The following BMPER variants were observed in gnomAD, a reference collection of about 807,000 sequenced individuals.
BMPER encodes the protein BMP binding endothelial regulator.
A neutral mutation model predicts 87.3 loss-of-function variants in BMPER; 45 were observed. The observed-to-expected ratio is 0.52, with a 90% CI of 0.41 to 0.66. The LOEUF (loss-of-function observed/expected upper bound fraction) is 0.66. Ranked by LOEUF, BMPER falls within the 30% of genes least tolerant of loss-of-function variation. The pLI, the probability that BMPER is intolerant of heterozygous loss-of-function variation, is 0.00. For synonymous variants in BMPER, 326 were observed against 316.2 expected (o/e 1.03, Z -0.33); for missense variants, 784 against 867.5 (o/e 0.90, Z 1.21).
At chr7:34,079,319 A>T (rs1199952443) in intron 12 of BMPER, 133 bp downstream of exon 12, 2 of 1,155,694 alleles carry the variant, frequency 1.7e-6, no homozygotes, top group Non-Finnish European at 2.5e-6. Context: ...CCAGGTTCCA[A>T]CTGCGGGACT....
Position 33,966,521 on chromosome 7 carries a change from G to C in BMPER, c.362G>C (p.Trp121Ser). The C allele has an allele frequency of 6.2e-7, 1 of 1,613,784 alleles. No homozygotes were observed. The highest frequency in any genetic ancestry group is 8.5e-7 in the Non-Finnish European group (1 of 1,179,754). Residue 121 changes from tryptophan to serine, a missense_variant, in exon 4 of 15, where the codon TGG becomes TCG. Transcript: ENST00000649409. ...AATACCTATAACAGCTCCTTCAAATGGCAGAGCCCGGCTGAGCCTTGTGTT... is the reference window on the plus strand; with the variant it reads ...AATACCTATAACAGCTCCTTCAAATCGCAGAGCCCGGCTGAGCCTTGTGTT... ...EGNTYNSSFKWQSPAEPCVLR... is the reference protein window; with the variant it reads ...EGNTYNSSFKSQSPAEPCVLR...
chr7:34,095,731 A>G (rs1165468253), intron 13 of BMPER, among the ~76,000 whole-genome samples: 1 of 81,210 alleles, frequency 1.2e-5, no homozygotes, highest in Admixed American at 1.6e-4. Flanking sequence ...AATATACAGA[A>G]CTTCCAGGCA....
chr7:34,063,092 C>T (rs1054384477), intron 11 of BMPER, among the ~76,000 whole-genome samples: 6 of 152,160 alleles, frequency 3.9e-5, no homozygotes, highest in African/African-American at 1.4e-4. Flanking sequence ...TTTGAGATAG[C>T]TTCCTGGAGT....
intron 14 of BMPER, among the ~76,000 whole-genome samples, chr7:34,152,444 G>T (rs1457264922): frequency 5.9e-5 from 9 of 152,024 alleles, no homozygotes; most frequent in Non-Finnish European, 1.5e-5. Flanking sequence ...AAATCACTTT[G>T]CCTCTAAGTC....
At position 34,011,583 on chromosome 7, in the gene BMPER, C is replaced by CAA. The variant is rs36022297; in HGVS notation, c.577-34703_577-34702dup. ...CTTTGCTGCTTTCAGTTGGTCAGGGCAAAAAAAAAAAAAAAAAAAAAGAAA... is the reference window on the plus strand; with the variant it reads ...CTTTGCTGCTTTCAGTTGGTCAGGGCAAAAAAAAAAAAAAAAAAAAAAAGAAA... On this transcript the variant is annotated intron_variant, in intron 6 of 14. Coordinates refer to ENST00000649409, the MANE Select transcript of BMPER (RefSeq NM_001365308.1). Among the ~76,000 whole-genome samples, 149 of 45,708 alleles carry CAA rather than the reference C, an allele frequency of 3.3e-3. 3 individuals carry two copies. The highest frequency in any genetic ancestry group is 6.5e-3 in the South Asian group (6 of 926). The allele number at this position is 45,708 out of a possible 152,430, so 30.0% of individuals were successfully genotyped here.
chr7:34,025,011 T>A (rs145852511), intron 6 of BMPER, among the ~76,000 whole-genome samples: 4 of 152,210 alleles, frequency 2.6e-5, no homozygotes, highest in Non-Finnish European at 5.9e-5. Flanking sequence ...TTGTCAAGGA[T>A]ATAAAGCTGT....
At chr7:33,927,560 T>G (rs565900282) in intron 2 of BMPER, among the ~76,000 whole-genome samples, 1 of 152,332 alleles carries the variant, frequency 6.6e-6, no homozygotes, top group African/African-American at 2.4e-5. Context: ...TCTTCCTATA[T>G]TGCAGTAAGT....
chr7:34,046,177 T>G, intron 6 of BMPER, 129 bp from the exon 7 acceptor site: 1 of 857,420 alleles, frequency 1.2e-6, no homozygotes, highest in South Asian at 1.4e-5. Flanking sequence ...GAAAATCACA[T>G]GGGCCTGAGC....
At chr7:34,116,505 A>AT (rs1790122301) in intron 13 of BMPER, among the ~76,000 whole-genome samples, 1 of 152,330 alleles carries the variant, frequency 6.6e-6, no homozygotes, top group South Asian at 2.1e-4. Flanking sequence ...TGAATGACTC[A>AT]TTTTTCAGAA....
intron 12 of BMPER, among the ~76,000 whole-genome samples, chr7:34,081,032 T>G (rs1005110658): frequency 6.6e-6 from 1 of 152,188 alleles, no homozygotes; most frequent in Non-Finnish European, 1.5e-5. Context: ...AAGATGCAAG[T>G]AATTTTCATG....
At chr7:33,921,840 G>A (rs774304268) in intron 2 of BMPER, 39 of 470,826 alleles carry the variant, frequency 8.3e-5, no homozygotes, top group South Asian at 4.6e-4. Context: ...GACCTAGTGC[G>A]CCAGCTGCAT....
chr7:34,100,641 A>G (rs1280397887), intron 13 of BMPER, among the ~76,000 whole-genome samples: 1 of 152,230 alleles, frequency 6.6e-6, no homozygotes, highest in Non-Finnish European at 1.5e-5. Context: ...CCCTGAAGAC[A>G]GATCCCTCTT....
chr7:34,000,704 A>C (rs1169452875), intron 6 of BMPER, among the ~76,000 whole-genome samples: 2 of 152,146 alleles, frequency 1.3e-5, no homozygotes, highest in Non-Finnish European at 2.9e-5. Context: ...TGAAGGTTTG[A>C]AACTTTTCAA....
intron 2 of BMPER, among the ~76,000 whole-genome samples, chr7:33,935,494 A>T (rs188830466): frequency 1.3e-5 from 2 of 152,192 alleles, no homozygotes; most frequent in East Asian, 3.9e-4. Context: ...GCAGCTAAGG[A>T]TGAGGGCCCC....
chr7:34,124,013 T>C (rs1336513764), intron 13 of BMPER, among the ~76,000 whole-genome samples: 2 of 152,232 alleles, frequency 1.3e-5, no homozygotes, highest in African/African-American at 4.8e-5. Context: ...CAAATCTTAG[T>C]TGAATGTACA....
upstream of BMPER, chr7:33,905,064 G>A (rs1334534163): frequency 6.3e-6 from 1 of 158,182 alleles, no homozygotes; most frequent in African/African-American, 2.4e-5. Context: ...CGGGTTCCGG[G>A]AGGCGCCCGG....
chr7:34,094,955 G>A (rs1415022207), intron 13 of BMPER, among the ~76,000 whole-genome samples: 19 of 152,100 alleles, frequency 1.2e-4, no homozygotes, highest in Non-Finnish European at 8.8e-5. Context: ...ATTTTACATG[G>A]TCATTGCTAG....
In BMPER at chr7:34,020,859, A is replaced by AACACACACAC. The variant is rs61345180; in HGVS notation, c.577-25424_577-25415dup. Among the ~76,000 whole-genome samples, 506 of 146,838 alleles carry AACACACACAC rather than the reference A, an allele frequency of 3.4e-3. 1 individual carries two copies. Among genetic ancestry groups the AACACACACAC allele is most frequent in the Non-Finnish European group, 5.2e-3 (346 of 66,186 alleles). ...TGAGATTTAACAGGATGAATTTCTT[A>AACACACACAC]ACACACACACACACACACACACACA... On this transcript the variant is annotated intron_variant, in intron 6 of 14. Coordinates refer to ENST00000649409, the MANE Select transcript of BMPER (RefSeq NM_001365308.1).
intron 13 of BMPER, among the ~76,000 whole-genome samples, chr7:34,140,040 G>A (rs1469509653): frequency 2.0e-5 from 3 of 152,162 alleles, no homozygotes; most frequent in African/African-American, 7.2e-5. Context: ...TGTAGTTACT[G>A]TGAATATGGG....
Sources: allele counts gnomAD v4.1 joint callset (sites outside exome capture counted in the v4.1 genomes callset), GRCh38; gene constraint gnomAD v4.1.1; transcripts MANE v1.5; gene names NCBI Gene and HGNC (gene_info 2026-07-23, HGNC 2026-07-21).